Variants in CDKAL1 observed in about 807,000 individuals in gnomAD.
CDKAL1 encodes the protein CDKAL1 threonylcarbamoyladenosine tRNA methylthiotransferase.
CDKAL1 carries 32 observed loss-of-function variants against 68.2 expected under a neutral mutation model. The ratio of observed to expected loss-of-function variants is 0.47; its 90% CI spans 0.35 to 0.63. The LOEUF (loss-of-function observed/expected upper bound fraction) is 0.63. Among genes scored for constraint, CDKAL1 ranks in the 30% least tolerant of loss-of-function variants. The pLI is 0.00. For synonymous variants in CDKAL1, 234 were observed against 244.3 expected, an observed-to-expected ratio of 0.96 and a Z score of 0.39; for missense variants, 606 against 696.7, an observed-to-expected ratio of 0.87 and a Z score of 1.47.
In CDKAL1 at chr6:20,955,503, G is replaced by A; in HGVS notation, c.827G>A (p.Trp276Ter). The change falls in exon 10 of 16, where the codon TGG (tryptophan) becomes TAG (stop). Residue 276 changes from tryptophan to a stop codon, truncating the protein, a stop_gained. Transcript: ENST00000274695. LOFTEE classifies it high-confidence loss of function. ...GGCACCAATCTCCCCACACTCCTGT[G>A]GAAACTGGTTGAAGTGATTCCTGAG... ...DIGTNLPTLL[W>*]KLVEVIPEGA... is the part of the protein sequence containing the mutation. 2 of 1,614,156 alleles carry A rather than the reference G, an allele frequency of 1.2e-6. No individual in the cohort carries two copies. Among genetic ancestry groups the A allele is most frequent in the Non-Finnish European group, 1.7e-6 (2 of 1,180,004 alleles).
intron 15 of CDKAL1, among the ~76,000 whole-genome samples, chr6:21,205,342 G>A (rs916107715): frequency 5.8e-3 from 1 of 172 alleles, no homozygotes; most frequent in Non-Finnish European, 0.013. Flanking sequence ...TGGATTGTAT[G>A]GTCCTCTATT....
chr6:20,659,414 A>G (rs1017772393), intron 5 of CDKAL1, among the ~76,000 whole-genome samples: 13 of 152,148 alleles, frequency 8.5e-5, no homozygotes, highest in Non-Finnish European at 1.3e-4. Flanking sequence ...ACCAGTCACA[A>G]TCTCCTTTTT....
At chr6:21,067,816 A>G (rs140929363) in intron 12 of CDKAL1, among the ~76,000 whole-genome samples, 168 of 152,248 alleles carry the variant, frequency 1.1e-3, no homozygotes, top group African/African-American at 3.9e-3. Flanking sequence ...TAAATTTGCA[A>G]TCCCAACAAC....
chr6:20,683,458 A>C lies in CDKAL1; in HGVS notation c.371+34081A>C, dbSNP rs1454524806. On this transcript the variant is annotated intron_variant, in intron 5 of 15. Transcript: ENST00000274695. ...CTTTACTTATATTGAGAGATTCATT[A>C]GCAGAAAATTACTTATTGATAGTGT... is the stretch of plus-strand genomic sequence containing the variant. Among the ~76,000 whole-genome samples, 3 of 152,234 alleles carry C rather than the reference A, an allele frequency of 2.0e-5. No homozygotes were observed. The East Asian group carries it at 5.8e-4, about 29-fold the overall frequency.
chr6:21,020,128 T>G (rs1174040617), intron 11 of CDKAL1, among the ~76,000 whole-genome samples: 1 of 152,208 alleles, frequency 6.6e-6, no homozygotes, highest in Non-Finnish European at 1.5e-5. Context: ...ATAAGATAGT[T>G]TTTGCCAATT....
At position 21,197,169 on chromosome 6, in the gene CDKAL1, A is replaced by T. The variant is rs567080793; in HGVS notation, c.1300-852A>T. On this transcript the variant is annotated intron_variant, in intron 13 of 15. Transcript: ENST00000274695. ...TGAGACTCTGTCTCAAAAAAAAAAA[A>T]TAATAATAATAATAATACTTGATAC... 1.5e-3 allele frequency among the ~76,000 whole-genome samples: 224 copies of T among 149,226 alleles called. 4 individuals carry two copies. In the Middle Eastern group the frequency reaches 0.031, roughly 21 times the overall value.
intron 5 of CDKAL1, among the ~76,000 whole-genome samples, chr6:20,712,812 G>A (rs1210392620): frequency 2.6e-5 from 4 of 151,340 alleles, no homozygotes; most frequent in Non-Finnish European, 3.0e-5. Context: ...GCCCAGCTAA[G>A]TTTTTGTATT....
At chr6:21,015,130 C>G (rs1768254288) in intron 11 of CDKAL1, among the ~76,000 whole-genome samples, 1 of 152,210 alleles carries the variant, frequency 6.6e-6, no homozygotes, top group Non-Finnish European at 1.5e-5. Context: ...AGTTAGCCTG[C>G]TGCCGGAATT....
chr6:21,158,867 C>A (rs532253154), intron 13 of CDKAL1, among the ~76,000 whole-genome samples: 55 of 152,198 alleles, frequency 3.6e-4, no homozygotes, highest in Non-Finnish European at 6.8e-4. Flanking sequence ...CAACTTCTAA[C>A]CTTTTTTTCA....
chr6:20,935,632 A>G (rs1437921779), intron 9 of CDKAL1, among the ~76,000 whole-genome samples: 1 of 151,866 alleles, frequency 6.6e-6, no homozygotes, highest in Non-Finnish European at 1.5e-5. Context: ...GTTTTGCCAT[A>G]TTGGCCAGAC....
At chr6:20,852,928 A>C (rs1287244671) in intron 9 of CDKAL1, among the ~76,000 whole-genome samples, 2 of 152,204 alleles carry the variant, frequency 1.3e-5, no homozygotes, top group Non-Finnish European at 2.9e-5. Context: ...TGAACACTGC[A>C]ATCCAGGAGT....
chr6:20,887,068 T>G (rs1282910815), intron 9 of CDKAL1, among the ~76,000 whole-genome samples: 1 of 152,194 alleles, frequency 6.6e-6, no homozygotes, highest in Non-Finnish European at 1.5e-5. Context: ...AAATGTACAT[T>G]AAAAGTGTTC....
At position 20,553,833 on chromosome 6, in the gene CDKAL1, A is replaced by G. The variant is rs144603911; in HGVS notation, c.286+5128A>G. ...TGCCATGTTGGCCAGACTGGTCTCT[A>G]ACTCCTGGCCTCAAGCGGTCTGCCC... On this transcript the variant is annotated intron_variant, in intron 4 of 15. Transcript: ENST00000274695. 3.0e-3 allele frequency among the ~76,000 whole-genome samples: 449 copies of G among 150,682 alleles called. 3 individuals are homozygous for G. Among genetic ancestry groups the G allele is most frequent in the African/African-American group, 0.01 (420 of 40,842 alleles).
chr6:20,666,835 T>C (rs139608042), intron 5 of CDKAL1, among the ~76,000 whole-genome samples: 1 of 152,258 alleles, frequency 6.6e-6, no homozygotes, highest in East Asian at 1.9e-4. Context: ...ACTAGTTCTT[T>C]CTTTAATTAA....
intron 4 of CDKAL1, among the ~76,000 whole-genome samples, chr6:20,586,010 A>T (rs1466850909): frequency 6.6e-6 from 1 of 152,156 alleles, no homozygotes; most frequent in Non-Finnish European, 1.5e-5. Context: ...AAGGATTCTG[A>T]GTCTTTTCAG....
chr6:21,071,197 A>G (rs1771752105), intron 12 of CDKAL1, among the ~76,000 whole-genome samples: 1 of 152,098 alleles, frequency 6.6e-6, no homozygotes, highest in Non-Finnish European at 1.5e-5. Flanking sequence ...CTCATCTTGA[A>G]TTGTAATCCC....
intron 4 of CDKAL1, among the ~76,000 whole-genome samples, chr6:20,552,055 G>A (rs1763856776): frequency 6.6e-6 from 1 of 150,958 alleles, no homozygotes; most frequent in Admixed American, 6.6e-5. Context: ...AAAAAAAAAG[G>A]CTGGGTGTGT....
intron 4 of CDKAL1, among the ~76,000 whole-genome samples, chr6:20,635,525 C>T (rs910475063): frequency 6.6e-6 from 1 of 152,148 alleles, no homozygotes. Flanking sequence ...TTGCATTATA[C>T]ACTTACTGGT....
chr6:21,120,808 A>G (rs1458521221), intron 13 of CDKAL1, among the ~76,000 whole-genome samples: 1 of 152,190 alleles, frequency 6.6e-6, no homozygotes, highest in Non-Finnish European at 1.5e-5. Context: ...ATAGCTGTAT[A>G]TATTATATAC....
Sources: gnomAD v4.1 joint callset for allele counts (sites outside exome capture counted in the v4.1 genomes callset) on GRCh38, gnomAD v4.1.1 for gene constraint, MANE v1.5 for transcripts, NCBI Gene and HGNC (gene_info 2026-07-23, HGNC 2026-07-21) for gene names.